HP1BP3: variants seen among roughly 807,000 people sequenced by gnomAD.
The protein encoded by HP1BP3 is heterochromatin protein 1 binding protein 3.
Under a neutral mutation model 62.5 loss-of-function variants are expected in HP1BP3, and 12 were observed. That is an observed-to-expected ratio of 0.19 (90% CI 0.12 to 0.31). The LOEUF (loss-of-function observed/expected upper bound fraction) is 0.31. Among genes scored for constraint, HP1BP3 ranks in the 10% least tolerant of loss-of-function variants. The probability of loss-of-function intolerance (pLI) is 1.00; values close to 1 mark genes in which losing one functional copy is unlikely to be tolerated. For synonymous variants in HP1BP3, 260 were observed against 237.8 expected (o/e 1.09, Z -0.86); for missense variants, 502 against 651.8 (o/e 0.77, Z 2.50).
intron 9 of HP1BP3, among the ~76,000 whole-genome samples, chr1:20,751,741 T>TA (rs140394272): frequency 0.031 from 3,435 of 110,868 alleles, 126 homozygotes; most frequent in African/African-American, 0.1. Flanking sequence ...AATAATAAAC[T>TA]AAAAAAAAAA....
At chr1:20,780,862 G>C (rs2057512975) in intron 1 of HP1BP3, among the ~76,000 whole-genome samples, 1 of 152,118 alleles carries the variant, frequency 6.6e-6, no homozygotes, top group South Asian at 2.1e-4. Flanking sequence ...AAGAGACTAA[G>C]GAACAGTTAG....
rs370848834 is a variant in HP1BP3 at position 20,749,921 on chromosome 1, A to C, written c.982-39T>G. On this transcript the variant is annotated intron_variant, in intron 9 of 12. Transcript: ENST00000438032. ...AGGAAGAGAAAAGCATCAAGACAACACTCTCCCAAAGCAGGTCAAGACAAG... is the reference window on the plus strand; with the variant it reads ...AGGAAGAGAAAAGCATCAAGACAACCCTCTCCCAAAGCAGGTCAAGACAAG... 6.9e-6 allele frequency: 11 copies of C among 1,593,432 alleles called. No individual in the cohort carries two copies. In the African/African-American group the frequency reaches 1.3e-4, roughly 19 times the overall value.
chr1:20,774,423 T>G (rs10493001), intron 4 of HP1BP3: 5,146 of 152,184 alleles, frequency 0.034, 166 homozygotes, highest in East Asian at 0.12. Flanking sequence ...GCTATACTTA[T>G]GAAACTCAGA....
Position 20,742,302 on chromosome 1 carries a change from T to C in HP1BP3, c.*2495A>G, listed in dbSNP as rs1227860131. Among the ~76,000 whole-genome samples, 2 of 152,224 alleles carry C rather than the reference T, an allele frequency of 1.3e-5. No homozygotes were observed. Among genetic ancestry groups the C allele is most frequent in the African/African-American group, 4.8e-5 (2 of 41,460 alleles). ...GAGAGCACAGGAGTAATTACTACAATTACTTCTAGAATTTGATGTCTAGGA... is the reference window on the plus strand; with the variant it reads ...GAGAGCACAGGAGTAATTACTACAACTACTTCTAGAATTTGATGTCTAGGA... On this transcript the variant is annotated 3_prime_UTR_variant, in exon 13 of 13. Coordinates refer to ENST00000438032, the MANE Select transcript of HP1BP3 (RefSeq NM_001372052.1).
At chr1:20,745,173 G>C in intron 12 of HP1BP3, 82 bp from the exon 13 acceptor site, 15 of 1,460,860 alleles carry the variant, frequency 1.0e-5, no homozygotes, top group Non-Finnish European at 1.4e-5. Context: ...TTTCTAAAGA[G>C]AAACGGCATA....
At chr1:20,782,641 G>A (rs535354306) in intron 1 of HP1BP3, among the ~76,000 whole-genome samples, 1 of 151,024 alleles carries the variant, frequency 6.6e-6, no homozygotes, top group Non-Finnish European at 1.5e-5. Context: ...GGTGGCTCAC[G>A]CCTGTATCTC....
intron 3 of HP1BP3, 143 bp from the exon 4 acceptor site, chr1:20,776,893 A>C: frequency 1.6e-6 from 1 of 629,396 alleles, no homozygotes; most frequent in Non-Finnish European, 2.5e-6. Context: ...ATGACCACTA[A>C]TGCAGTTTTC....
rs551625401 is a variant in HP1BP3, at chr1:20,773,854, G to A, written c.351-244C>T. On this transcript the variant is annotated intron_variant, in intron 4 of 12. Coordinates refer to ENST00000438032, the MANE Select transcript of HP1BP3 (RefSeq NM_001372052.1). ...GAAAGGAGTCACATAAATTAGCACTGGTATAAGGGCTCAGTACATAAGACA... is the reference window on the plus strand; with the variant it reads ...GAAAGGAGTCACATAAATTAGCACTAGTATAAGGGCTCAGTACATAAGACA... 6.3e-5 allele frequency: 20 copies of A among 315,382 alleles called. No individual in the cohort carries two copies. The South Asian group carries it at 1.8e-3, about 29-fold the overall frequency. 19.5% of individuals were successfully genotyped at this position (315,382 alleles called of 1,614,324 possible).
intron 9 of HP1BP3, among the ~76,000 whole-genome samples, chr1:20,754,938 G>A (rs916684485): frequency 1.3e-5 from 2 of 151,988 alleles, no homozygotes; most frequent in Admixed American, 1.3e-4. Context: ...AACTGCAAAA[G>A]CAATTTTTAA....
Position 20,751,889 on chromosome 1 carries a change from A to G in HP1BP3, c.982-2007T>C, listed in dbSNP as rs2055781341. On this transcript the variant is annotated intron_variant, in intron 9 of 12. Coordinates refer to ENST00000438032, the MANE Select transcript of HP1BP3 (RefSeq NM_001372052.1). Reference sequence around the variant, plus strand: ...TACAAAACTGTTTAGTGGTTCTTAAAGAATGGTCTGGTTACAATTGTCTGG... The same window carrying G: ...TACAAAACTGTTTAGTGGTTCTTAAGGAATGGTCTGGTTACAATTGTCTGG... Among the ~76,000 whole-genome samples the G allele has an allele frequency of 3.9e-5, 6 of 152,316 alleles. No individual in the cohort carries two copies. In the South Asian group the frequency reaches 1.2e-3, roughly 32 times the overall value.
rs2056166927 is a variant in HP1BP3 at position 20,757,211 on chromosome 1, G to A, written c.936C>T (p.Gly312=). 6.2e-7 allele frequency: 1 copy of A among 1,612,572 alleles called. No homozygotes were observed. Among genetic ancestry groups the A allele is most frequent in the African/African-American group, 1.3e-5 (1 of 74,732 alleles). ...CTTTGCCAGTTATCTGTTCTAACTGGCCCCTCTCTACTGCTCTCTGCAGAG... is the reference window on the plus strand; with the variant it reads ...CTTTGCCAGTTATCTGTTCTAACTGACCCCTCTCTACTGCTCTCTGCAGAG... ...KNALQRAVER[G]QLEQITGKGA... The change falls in exon 9 of 13, where the codon GGC becomes GGT. Residue 312 remains glycine (G), a synonymous_variant. Coordinates refer to ENST00000438032, the MANE Select transcript of HP1BP3 (RefSeq NM_001372052.1).
At chr1:20,785,268 A>G (rs2057768838) in intron 1 of HP1BP3, among the ~76,000 whole-genome samples, 1 of 152,224 alleles carries the variant, frequency 6.6e-6, no homozygotes, top group Non-Finnish European at 1.5e-5. Flanking sequence ...AAAAGCCCCA[A>G]ATTTCAGTTT....
In HP1BP3 at chr1:20,749,797, G is replaced by A. The variant is rs2055598140; in HGVS notation, c.1067C>T (p.Pro356Leu). 6.2e-7 allele frequency: 1 copy of A among 1,613,848 alleles called. No homozygotes were observed. The highest frequency in any genetic ancestry group is 1.7e-5 in the Admixed American group (1 of 59,986). The change falls in exon 10 of 13, where the codon CCG becomes CTG. Residue 356 changes from proline (P) to leucine (L), a missense_variant. Around this residue, in one of 5 missense-constraint regions of HP1BP3, gnomAD observed 111 missense variants for 242.0 expected, o/e 0.46. Coordinates refer to ENST00000438032, the MANE Select transcript of HP1BP3 (RefSeq NM_001372052.1). ...CAGAGCAGTGGTAGAGCAGGTCTTC[G>A]GCTCATTCATGGCAGCAATGGCAGA... ...ILSAIAAMNE[P>L]KTCSTTALKK...
intron 8 of HP1BP3, among the ~76,000 whole-genome samples, chr1:20,763,675 A>T (rs2056612140): frequency 1.3e-5 from 2 of 152,236 alleles, no homozygotes; most frequent in Non-Finnish European, 2.9e-5. Flanking sequence ...AAATTGATAT[A>T]TCTGCATGAA....
At chr1:20,780,772 GACA>G (rs2057507965) in intron 1 of HP1BP3, among the ~76,000 whole-genome samples, 1 of 152,074 alleles carries the variant, frequency 6.6e-6, no homozygotes, top group African/African-American at 2.4e-5. Context: ...CATGAACAAA[GACA>G]ACAAGGGCAA....
chr1:20,766,761 G>C (rs2056805603), intron 7 of HP1BP3, among the ~76,000 whole-genome samples: 1 of 150,822 alleles, frequency 6.6e-6, no homozygotes, highest in Admixed American at 6.6e-5. Flanking sequence ...CCAACATAGT[G>C]AAACTCCATC....
At chr1:20,773,251 AT>A (rs1197519787) in intron 5 of HP1BP3, among the ~76,000 whole-genome samples, 199 bp downstream of exon 5, 2 of 151,912 alleles carry the variant, frequency 1.3e-5, no homozygotes, top group Non-Finnish European at 2.9e-5. Context: ...ATTAAATATA[AT>A]TTTTTTAAAA....
intron 9 of HP1BP3, among the ~76,000 whole-genome samples, chr1:20,756,004 G>A (rs1271447846): frequency 1.3e-5 from 2 of 152,224 alleles, no homozygotes; most frequent in African/African-American, 4.8e-5. Context: ...GGAATAGGGA[G>A]TGACTGCAAA....
chr1:20,762,251 G>A (rs1319699172), intron 8 of HP1BP3, among the ~76,000 whole-genome samples: 1 of 151,970 alleles, frequency 6.6e-6, no homozygotes, highest in Non-Finnish European at 1.5e-5. Flanking sequence ...CATGAGAAAA[G>A]GTCTTCAGGT....
Sources: allele counts gnomAD v4.1 joint callset (sites outside exome capture counted in the v4.1 genomes callset), GRCh38; gene constraint gnomAD v4.1.1; regional missense constraint gnomAD v4.1.1; transcripts MANE v1.5; gene names NCBI Gene and HGNC (gene_info 2026-07-23, HGNC 2026-07-21).